EGFR: variants seen among roughly 807,000 people sequenced by gnomAD.
EGFR encodes the protein epidermal growth factor receptor, also known as avian erythroblastic leukemia viral (v-erb-b) oncogene homolog.
A neutral mutation model predicts 143.0 loss-of-function variants in EGFR; 58 were observed. The observed-to-expected ratio is 0.41, with a 90% CI of 0.33 to 0.50. The LOEUF is 0.50. Among genes scored for constraint, EGFR ranks in the 20% least tolerant of loss-of-function variants. EGFR has a pLI of 0.39. For missense variants in EGFR, 1,307 were observed against 1,579.0 expected (o/e 0.83, Z 2.92); for synonymous variants, 613 against 594.4 (o/e 1.03, Z -0.45).
rs1226353785 is a variant in EGFR at position 55,157,879 on chromosome 7, C to CTA, written c.1298+128_1298+129dup. On this transcript the variant is annotated intron_variant, in intron 11 of 27. Transcript: ENST00000275493. Reference sequence around the variant, plus strand: ...CATCTCTCGCCGGCATTCCCAAATGCTATCTCACATGAGCAGGCACAGGGA... The same window carrying CTA: ...CATCTCTCGCCGGCATTCCCAAATGCTATATCTCACATGAGCAGGCACAGGGA... 4 of 949,126 alleles carry CTA rather than the reference C, an allele frequency of 4.2e-6. No homozygotes were observed. The Admixed American group carries it at 7.9e-5, about 19-fold the overall frequency. 58.8% of individuals were successfully genotyped at this position (949,126 alleles called of 1,614,324 possible).
chr7:55,204,903 A>T (rs1038961327), intron 27 of EGFR, among the ~76,000 whole-genome samples: 3 of 150,480 alleles, frequency 2.0e-5, no homozygotes, highest in Non-Finnish European at 4.4e-5. Flanking sequence ...CATACACCAC[A>T]CACACGGTGC....
chr7:55,122,416 G>A (rs1206272740), intron 1 of EGFR, among the ~76,000 whole-genome samples: 1 of 152,190 alleles, frequency 6.6e-6, no homozygotes, highest in African/African-American at 2.4e-5. Flanking sequence ...TGGGCTGCTG[G>A]TGGCAGTGGG....
chr7:55,082,610 C>A (rs943952087), intron 1 of EGFR, among the ~76,000 whole-genome samples: 45 of 152,172 alleles, frequency 3.0e-4, no homozygotes, highest in African/African-American at 1.1e-3. Context: ...TTTTTCATTT[C>A]ATGGTTCATT....
At chr7:55,019,647 C>A (rs1436266024) in intron 1 of EGFR, among the ~76,000 whole-genome samples, 3 of 152,106 alleles carry the variant, frequency 2.0e-5, no homozygotes, top group African/African-American at 4.8e-5. Flanking sequence ...CGCCCCGAAC[C>A]GCTCCCAACT....
At chr7:55,054,158 T>G (rs1788653306) in intron 1 of EGFR, among the ~76,000 whole-genome samples, 1 of 152,192 alleles carries the variant, frequency 6.6e-6, no homozygotes, top group Non-Finnish European at 1.5e-5. Context: ...CCACCCGCCT[T>G]CTTTCTGGAA....
chr7:55,050,126 G>C (rs1167693372), intron 1 of EGFR, among the ~76,000 whole-genome samples: 1 of 152,148 alleles, frequency 6.6e-6, no homozygotes, highest in Non-Finnish European at 1.5e-5. Context: ...ATGTATAAAA[G>C]TGGAGTTCAG....
chr7:55,091,921 T>C (rs1791151651), intron 1 of EGFR, among the ~76,000 whole-genome samples: 1 of 148,308 alleles, frequency 6.7e-6, no homozygotes, highest in Admixed American at 6.7e-5. Flanking sequence ...GAGAGATAAC[T>C]AAAGAGAGAG....
chr7:55,150,368 G>A (rs1785089297), intron 4 of EGFR, among the ~76,000 whole-genome samples: 1 of 152,224 alleles, frequency 6.6e-6, no homozygotes, highest in African/African-American at 2.4e-5. Context: ...CAGCCTCCCC[G>A]GCCTTCATGT....
intron 20 of EGFR, among the ~76,000 whole-genome samples, chr7:55,190,565 G>T (rs999081619): frequency 6.6e-6 from 1 of 151,990 alleles, no homozygotes; most frequent in Non-Finnish European, 1.5e-5. Context: ...CACATCTACA[G>T]CTTTTCCCTG....
At chr7:55,200,003 G>A (rs138901530) in intron 23 of EGFR, among the ~76,000 whole-genome samples, 19 of 152,374 alleles carry the variant, frequency 1.2e-4, no homozygotes, top group Middle Eastern at 6.8e-3. Context: ...ATAGTTCATG[G>A]AGAGCAATTG....
At chr7:55,063,539 G>T (rs1020481593) in intron 1 of EGFR, among the ~76,000 whole-genome samples, 18 of 152,260 alleles carry the variant, frequency 1.2e-4, no homozygotes, top group Admixed American at 4.6e-4. Context: ...CATGGAAAAA[G>T]TTCTCTTCCC....
At chr7:55,178,452 C>A (rs1786702601) in intron 19 of EGFR, among the ~76,000 whole-genome samples, 1 of 152,250 alleles carries the variant, frequency 6.6e-6, no homozygotes, top group South Asian at 2.1e-4. Flanking sequence ...GCTGCCTTCA[C>A]ACAGAGGACC....
At chr7:55,114,041 T>G (rs921340016) in intron 1 of EGFR, among the ~76,000 whole-genome samples, 1 of 152,232 alleles carries the variant, frequency 6.6e-6, no homozygotes, top group African/African-American at 2.4e-5. Context: ...CCAGGTTCCT[T>G]CCTGTGTTCT....
At chr7:55,203,007 T>C in intron 27 of EGFR, 1 of 454,880 alleles carries the variant, frequency 2.2e-6, no homozygotes, top group Non-Finnish European at 3.9e-6. Context: ...GGCTCTATCT[T>C]GACCTGTGAA....
intron 22 of EGFR, among the ~76,000 whole-genome samples, chr7:55,193,410 T>A (rs1787486251): frequency 6.6e-6 from 1 of 152,150 alleles, no homozygotes. Flanking sequence ...AATCCCAGTG[T>A]TGCCCAGCAC....
intron 22 of EGFR, 106 bp downstream of exon 22, chr7:55,192,947 G>C (rs865873051): frequency 1.0e-6 from 1 of 991,308 alleles, no homozygotes; most frequent in African/African-American, 1.6e-5. Flanking sequence ...TTTCTTTCGA[G>C]ATAATGACTA....
At chr7:55,188,576 C>G (rs1026048840) in intron 20 of EGFR, among the ~76,000 whole-genome samples, 1 of 152,124 alleles carries the variant, frequency 6.6e-6, no homozygotes, top group African/African-American at 2.4e-5. Context: ...AAGTGAGGGT[C>G]TCGGAGAAGA....
At chr7:55,076,519 T>C (rs553553237) in intron 1 of EGFR, among the ~76,000 whole-genome samples, 2 of 152,284 alleles carry the variant, frequency 1.3e-5, no homozygotes, top group East Asian at 3.9e-4. Flanking sequence ...CAGAAAAAGA[T>C]TCCTCTTTTT....
chr7:55,201,439 G>A (rs1787845781), intron 25 of EGFR, 84 bp downstream of exon 25: 2 of 1,581,418 alleles, frequency 1.3e-6, no homozygotes, highest in Non-Finnish European at 8.7e-7. Flanking sequence ...TAACCATCTA[G>A]TGAAACTCAC....
Sources: gnomAD v4.1 joint callset for allele counts (sites outside exome capture counted in the v4.1 genomes callset) on GRCh38, gnomAD v4.1.1 for gene constraint, MANE v1.5 for transcripts, NCBI Gene and HGNC (gene_info 2026-07-23, HGNC 2026-07-21) for gene names.